Variants in KCNIP4 observed in about 807,000 individuals in gnomAD.
The protein encoded by KCNIP4 is potassium voltage-gated channel interacting protein 4, also known as Kv channel-interacting protein 4.
A neutral mutation model predicts 34.0 loss-of-function variants in KCNIP4; 12 were observed. That is an observed-to-expected ratio of 0.35 (90% CI 0.23 to 0.57). The LOEUF is 0.57. Among genes scored for constraint, KCNIP4 ranks in the 20% least tolerant of loss-of-function variants. The pLI, the probability that KCNIP4 is intolerant of heterozygous loss-of-function variation, is 0.83. For missense variants in KCNIP4, 238 were observed against 311.7 expected, an observed-to-expected ratio of 0.76 and a Z score of 1.78; for synonymous variants, 124 against 102.2, an observed-to-expected ratio of 1.21 and a Z score of -1.29.
chr4:21,877,478 C>T (rs1726193739), intron 1 of KCNIP4, among the ~76,000 whole-genome samples: 1 of 152,130 alleles, frequency 6.6e-6, no homozygotes, highest in Non-Finnish European at 1.5e-5. Context: ...ATTTAGAGGG[C>T]ATATAGTAAG....
chr4:21,477,313 C>A (rs181011085), intron 1 of KCNIP4, among the ~76,000 whole-genome samples: 4 of 152,108 alleles, frequency 2.6e-5, no homozygotes, highest in African/African-American at 9.7e-5. Flanking sequence ...GACACCGAAG[C>A]TTAGTGTCTG....
At chr4:20,857,145 G>GA (rs1560519065) in intron 2 of KCNIP4, among the ~76,000 whole-genome samples, 1 of 151,798 alleles carries the variant, frequency 6.6e-6, no homozygotes, top group Non-Finnish European at 1.5e-5. Flanking sequence ...CCTGCCAAAG[G>GA]GCTGTTTCTA....
In KCNIP4 at chr4:21,762,891, A is replaced by G. The variant is rs541414786; in HGVS notation, c.61+185680T>C. ...TCCCAGAAGATTGGGAGGGGGGTGT[A>G]GGTGGATGGAATTGGAGGGAAGGAC... On this transcript the variant is annotated intron_variant, in intron 1 of 8. Coordinates refer to ENST00000382152, the MANE Select transcript of KCNIP4 (RefSeq NM_025221.6). 1.0e-5 allele frequency: 13 copies of G among 1,270,820 alleles called. No homozygotes were observed. The Admixed American group carries it at 2.1e-4, about 20-fold the overall frequency. 78.7% of individuals were successfully genotyped at this position (1,270,820 alleles called of 1,614,324 possible).
chr4:21,702,988 C>T (rs1384138992), intron 1 of KCNIP4, among the ~76,000 whole-genome samples: 2 of 75,894 alleles, frequency 2.6e-5, no homozygotes, highest in African/African-American at 1.2e-4. Context: ...TCAGGCCCCC[C>T]ACAAAAAAAA....
At chr4:21,610,183 G>T (rs191360517) in intron 1 of KCNIP4, among the ~76,000 whole-genome samples, 2 of 152,358 alleles carry the variant, frequency 1.3e-5, no homozygotes, top group African/African-American at 4.8e-5. Context: ...AAACACTACA[G>T]AGTGAATGGA....
intron 1 of KCNIP4, among the ~76,000 whole-genome samples, chr4:21,299,588 A>T (rs1256221541): frequency 6.6e-6 from 1 of 152,186 alleles, no homozygotes; most frequent in Admixed American, 6.5e-5. Flanking sequence ...AAAACACATA[A>T]GCGTTGGCAT....
chr4:21,906,382 G>A (rs1560175126), intron 1 of KCNIP4, among the ~76,000 whole-genome samples: 1 of 152,112 alleles, frequency 6.6e-6, no homozygotes, highest in African/African-American at 2.4e-5. Flanking sequence ...AAAAGCGAAC[G>A]TGAAGATAGA....
intron 3 of KCNIP4, among the ~76,000 whole-genome samples, chr4:20,765,148 T>C (rs184726243): frequency 5.2e-4 from 79 of 152,350 alleles, no homozygotes; most frequent in African/African-American, 1.6e-3. Flanking sequence ...GCACTGGAGA[T>C]ACAGGAATGA....
chr4:20,917,042 T>TTG (rs1728916667), intron 1 of KCNIP4, among the ~76,000 whole-genome samples: 1 of 100,452 alleles, frequency 1.0e-5, no homozygotes, highest in African/African-American at 3.8e-5. Context: ...TATATATATA[T>TTG]ATATATATAA....
intron 1 of KCNIP4, among the ~76,000 whole-genome samples, chr4:21,549,845 T>C (rs1285222450): frequency 6.6e-6 from 1 of 151,974 alleles, no homozygotes; most frequent in Non-Finnish European, 1.5e-5. Context: ...GATACATGGG[T>C]AGTATATCCT....
chr4:21,414,727 C>A (rs1438493550), intron 1 of KCNIP4, among the ~76,000 whole-genome samples: 1 of 152,076 alleles, frequency 6.6e-6, no homozygotes, highest in Non-Finnish European at 1.5e-5. Context: ...GTGGTACATA[C>A]AATGGAATAT....
chr4:21,877,974 G>C (rs1213035310), intron 1 of KCNIP4, among the ~76,000 whole-genome samples: 1 of 152,208 alleles, frequency 6.6e-6, no homozygotes, highest in African/African-American at 2.4e-5. Context: ...CTGAGAACAG[G>C]AGGGTAAGAA....
chr4:21,580,560 T>C (rs1312163906), intron 1 of KCNIP4, among the ~76,000 whole-genome samples: 2 of 152,192 alleles, frequency 1.3e-5, no homozygotes, highest in South Asian at 2.1e-4. Context: ...TGCCCAAGGG[T>C]GGCATGGAGA....
Position 21,483,800 on chromosome 4 carries a change from AT to A in KCNIP4, c.61+464770del, listed in dbSNP as rs1007464462. Reference sequence around the variant, plus strand: ...GACAGACTCCATCTCAAAAATAAAAATAAAAATAAAAATAAAAATAAAAATA... The same window carrying A: ...GACAGACTCCATCTCAAAAATAAAAAAAAAATAAAAATAAAAATAAAAATA... On this transcript the variant is annotated intron_variant, in intron 1 of 8. Transcript: ENST00000382152. Among the ~76,000 whole-genome samples the A allele has an allele frequency of 6.1e-4, 9 of 14,766 alleles. No individual in the cohort carries two copies. In the African/African-American group the frequency reaches 6.3e-3, roughly 10 times the overall value. 9.7% of individuals were successfully genotyped at this position (14,766 alleles called of 152,430 possible). A position where few individuals can be genotyped will look rare whatever the true frequency, so the allele number is the denominator to read the frequency against.
At chr4:21,778,030 T>G (rs958394888) in intron 1 of KCNIP4, among the ~76,000 whole-genome samples, 3 of 152,010 alleles carry the variant, frequency 2.0e-5, no homozygotes, top group Non-Finnish European at 4.4e-5. Context: ...AGGACATAAT[T>G]CTTCAAGAAC....
chr4:21,344,775 A>G (rs957253314), intron 1 of KCNIP4, among the ~76,000 whole-genome samples: 1 of 152,156 alleles, frequency 6.6e-6, no homozygotes, highest in Non-Finnish European at 1.5e-5. Flanking sequence ...TACTGTTGTT[A>G]TTTTTAAAGG....
At chr4:21,712,703 C>A (rs1358752011) in intron 1 of KCNIP4, among the ~76,000 whole-genome samples, 3 of 152,070 alleles carry the variant, frequency 2.0e-5, no homozygotes, top group African/African-American at 7.2e-5. Flanking sequence ...TTTACTCCGG[C>A]ACCTATAGCA....
intron 1 of KCNIP4, among the ~76,000 whole-genome samples, chr4:21,420,059 C>G (rs1487188644): frequency 6.6e-6 from 1 of 152,126 alleles, no homozygotes; most frequent in African/African-American, 2.4e-5. Context: ...TCCCTTATCT[C>G]TATTTTTACA....
intron 1 of KCNIP4, among the ~76,000 whole-genome samples, chr4:21,895,647 T>A (rs1049032052): frequency 6.6e-6 from 1 of 152,144 alleles, no homozygotes; most frequent in Non-Finnish European, 1.5e-5. Flanking sequence ...ATATTTTGGG[T>A]TTCATTAGGC....
Sources: allele counts gnomAD v4.1 joint callset (sites outside exome capture counted in the v4.1 genomes callset), GRCh38; gene constraint gnomAD v4.1.1; transcripts MANE v1.5; gene names NCBI Gene and HGNC (gene_info 2026-07-23, HGNC 2026-07-21).